Variants in MAP2K4 observed in about 807,000 individuals in gnomAD.
MAP2K4 encodes the protein mitogen-activated protein kinase kinase 4.
In MAP2K4, 4 loss-of-function variants were observed where a neutral mutation model predicts 48.5. The ratio of observed to expected loss-of-function variants is 0.08; its 90% CI spans 0.04 to 0.19. MAP2K4 has a LOEUF of 0.19. Ranked by LOEUF, MAP2K4 falls within the 10% of genes least tolerant of loss-of-function variation. The pLI is 1.00. For missense variants in MAP2K4, 258 were observed against 493.3 expected (o/e 0.52, Z 4.52); for synonymous variants, 166 against 173.1 (o/e 0.96, Z 0.32).
At chr17:12,139,741 A>G in intron 9 of MAP2K4, 98 bp from the exon 10 acceptor site, 5 of 824,624 alleles carry the variant, frequency 6.1e-6, no homozygotes, top group Non-Finnish European at 7.8e-6. Context: ...TCTGAAGGAA[A>G]GAACTATTTC....
intron 4 of MAP2K4, among the ~76,000 whole-genome samples, chr17:12,106,655 C>A (rs1019982506): frequency 2.7e-4 from 41 of 152,076 alleles, no homozygotes; most frequent in Non-Finnish European, 1.9e-4. Flanking sequence ...GATGATACAG[C>A]TGTATTTATA....
chr17:12,099,344 A>C (rs1971861434), intron 4 of MAP2K4, among the ~76,000 whole-genome samples: 2 of 152,152 alleles, frequency 1.3e-5, no homozygotes, highest in South Asian at 4.1e-4. Context: ...TAGTGCTGCC[A>C]TAAGCATACC....
chr17:12,060,167 A>AT (rs1970403886), intron 2 of MAP2K4, among the ~76,000 whole-genome samples: 2 of 151,198 alleles, frequency 1.3e-5, no homozygotes. Context: ...CTCTGTCTCT[A>AT]TTAAAAAAAA....
At chr17:12,051,486 G>A (rs1029647515) in intron 1 of MAP2K4, among the ~76,000 whole-genome samples, 2 of 152,122 alleles carry the variant, frequency 1.3e-5, no homozygotes, top group African/African-American at 2.4e-5. Context: ...TTGATGCCTC[G>A]TTTCTCTCCT....
At chr17:12,125,647 A>G (rs1337154957) in intron 8 of MAP2K4, among the ~76,000 whole-genome samples, 4 of 152,306 alleles carry the variant, frequency 2.6e-5, no homozygotes, top group Middle Eastern at 3.4e-3. Context: ...ATTATCTGCA[A>G]CTGCACTAAG....
intron 10 of MAP2K4, 125 bp from the exon 11 acceptor site, chr17:12,141,022 G>A (rs776824276): frequency 7.6e-6 from 5 of 656,238 alleles, no homozygotes; most frequent in Admixed American, 2.3e-5. Flanking sequence ...AACTTGTAGT[G>A]TTGCGGTATT....
chr17:12,085,702 G>A (rs926975857), intron 3 of MAP2K4, among the ~76,000 whole-genome samples: 5 of 152,006 alleles, frequency 3.3e-5, no homozygotes, highest in African/African-American at 1.2e-4. Context: ...TTGACCTGGA[G>A]TTGAGACCCA....
chr17:12,033,625 A>C (rs959271658), intron 1 of MAP2K4, among the ~76,000 whole-genome samples: 1 of 152,196 alleles, frequency 6.6e-6, no homozygotes, highest in Non-Finnish European at 1.5e-5. Flanking sequence ...GTGAACCTTT[A>C]TATATGATAT....
intron 7 of MAP2K4, chr17:12,115,416 T>A (rs1972458181): frequency 4.5e-6 from 2 of 443,056 alleles, no homozygotes; most frequent in Non-Finnish European, 8.6e-6. Context: ...ACTACAAGCC[T>A]ATACAGCATG....
At chr17:12,089,310 A>T (rs1473733151) in intron 3 of MAP2K4, among the ~76,000 whole-genome samples, 1 of 152,212 alleles carries the variant, frequency 6.6e-6, no homozygotes, top group Admixed American at 6.5e-5. Context: ...TAACCTAGTT[A>T]TAGCAGATTC....
At chr17:12,068,378 G>A (rs1039469671) in intron 2 of MAP2K4, among the ~76,000 whole-genome samples, 10 of 152,154 alleles carry the variant, frequency 6.6e-5, no homozygotes, top group Non-Finnish European at 4.4e-5. Flanking sequence ...GTACTGAAAG[G>A]AGGTAAGAAT....
chr17:12,102,551 A>C (rs1332363995), intron 4 of MAP2K4, among the ~76,000 whole-genome samples: 1 of 152,076 alleles, frequency 6.6e-6, no homozygotes, highest in Non-Finnish European at 1.5e-5. Flanking sequence ...TGAGTTGGGA[A>C]GTATTTCTTC....
intron 1 of MAP2K4, among the ~76,000 whole-genome samples, chr17:12,045,118 C>T (rs1229303144): frequency 6.6e-6 from 1 of 152,190 alleles, no homozygotes; most frequent in Non-Finnish European, 1.5e-5. Context: ...GGGCCACTCA[C>T]TAGAGCTCTG....
intron 8 of MAP2K4, 146 bp from the exon 9 acceptor site, chr17:12,128,993 T>G (rs1972943751): frequency 1.5e-6 from 1 of 663,140 alleles, no homozygotes; most frequent in Non-Finnish European, 2.6e-6. Context: ...TTTATGATTC[T>G]GAAGATTCCT....
intron 7 of MAP2K4, 21 bp downstream of exon 7, chr17:12,113,381 T>G: frequency 6.2e-7 from 1 of 1,608,912 alleles, no homozygotes; most frequent in Non-Finnish European, 8.5e-7. Flanking sequence ...AGTCCAGGCC[T>G]TCTTGCTTGA....
At chr17:12,055,528 A>G (rs896087270) in intron 2 of MAP2K4, among the ~76,000 whole-genome samples, 3 of 152,064 alleles carry the variant, frequency 2.0e-5, no homozygotes, top group African/African-American at 7.2e-5. Flanking sequence ...CTGTACTTTT[A>G]TAACCATGTC....
chr17:12,115,661 G>A, intron 7 of MAP2K4: 1 of 754,988 alleles, frequency 1.3e-6, no homozygotes, highest in Non-Finnish European at 2.5e-6. Flanking sequence ...ACACAGCAAA[G>A]TGAACCAGTG....
rs564056086 is a variant in MAP2K4, at chr17:12,115,361, G to A, written c.813+2001G>A. ...TACTTACACAAACCTAGATGGTATA[G>A]CCTACTACACACATAGGCTATATGG... On this transcript the variant is annotated intron_variant, in intron 7 of 10. Transcript: ENST00000353533. Among the ~76,000 whole-genome samples the A allele has an allele frequency of 2.2e-4, 33 of 152,266 alleles. 1 individual carries two copies. The highest frequency in any genetic ancestry group is 7.5e-4 in the African/African-American group (31 of 41,542).
At chr17:12,040,808 T>G (rs1055102742) in intron 1 of MAP2K4, among the ~76,000 whole-genome samples, 1 of 152,230 alleles carries the variant, frequency 6.6e-6, no homozygotes, top group Admixed American at 6.5e-5. Flanking sequence ...GTAATGACCT[T>G]TTAATGACCA....
Sources: allele counts gnomAD v4.1 joint callset (sites outside exome capture counted in the v4.1 genomes callset), GRCh38; gene constraint gnomAD v4.1.1; transcripts MANE v1.5; gene names NCBI Gene and HGNC (gene_info 2026-07-23, HGNC 2026-07-21).